Variants in NARS2 observed in about 807,000 individuals in gnomAD.
NARS2 encodes the protein asparaginyl-tRNA synthetase.
Under a neutral mutation model 62.9 loss-of-function variants are expected in NARS2, and 60 were observed. The ratio of observed to expected loss-of-function variants is 0.95; its 90% CI spans 0.77 to 1.18. The LOEUF (loss-of-function observed/expected upper bound fraction) is 1.18, where lower values mean the gene tolerates loss of function less well. NARS2 is among the 50% of genes most tolerant of loss of function. The pLI is 0.00. For synonymous variants in NARS2, 196 were observed against 200.0 expected (o/e 0.98, Z 0.17); for missense variants, 619 against 576.4 (o/e 1.07, Z -0.76).
At chr11:78,442,760 C>A (rs1278787834) in intron 12 of NARS2, among the ~76,000 whole-genome samples, 1 of 151,996 alleles carries the variant, frequency 6.6e-6, no homozygotes, top group Non-Finnish European at 1.5e-5. Flanking sequence ...TGATTCCTTA[C>A]TTCCCATCTC....
At chr11:78,525,888 A>C (rs528217555) in intron 6 of NARS2, among the ~76,000 whole-genome samples, 1 of 152,270 alleles carries the variant, frequency 6.6e-6, no homozygotes, top group South Asian at 2.1e-4. Context: ...GTATTCTTTC[A>C]AAATACCCAA....
chr11:78,512,304 C>A (rs1459236254), intron 6 of NARS2, among the ~76,000 whole-genome samples: 1 of 152,198 alleles, frequency 6.6e-6, no homozygotes, highest in African/African-American at 2.4e-5. Flanking sequence ...CCAGTTCTGT[C>A]AGTAATATAA....
chr11:78,490,947 C>A (rs1859793068), intron 7 of NARS2, among the ~76,000 whole-genome samples: 1 of 152,130 alleles, frequency 6.6e-6, no homozygotes, highest in South Asian at 2.1e-4. Flanking sequence ...TGTAGCTTAA[C>A]CTATCTATTC....
intron 7 of NARS2, among the ~76,000 whole-genome samples, chr11:78,485,650 C>A (rs539816238): frequency 6.6e-6 from 1 of 152,246 alleles, no homozygotes; most frequent in East Asian, 1.9e-4. Context: ...CTGGTAAAGT[C>A]CCTGTAGGAT....
chr11:78,574,580 T>A lies in NARS2; in HGVS notation c.-92A>T. 7.1e-7 allele frequency: 1 copy of A among 1,412,266 alleles called. No individual in the cohort carries two copies. Among genetic ancestry groups the A allele is most frequent in the Non-Finnish European group, 9.4e-7 (1 of 1,065,336 alleles). 87.5% of individuals were successfully genotyped at this position (1,412,266 alleles called of 1,614,324 possible). A position where few individuals can be genotyped will look rare whatever the true frequency, so the allele number is the denominator to read the frequency against. On this transcript the variant is annotated 5_prime_UTR_variant, in exon 1 of 14. Transcript: ENST00000281038. ...GCCCTCCTTTCTCAGCTGCTCCCCT[T>A]CCGCGGCCGCAGCTCTGCTCTAAGG... is the stretch of plus-strand genomic sequence containing the variant.
At chr11:78,450,177 C>G (rs1309899970) in intron 11 of NARS2, among the ~76,000 whole-genome samples, 1 of 152,154 alleles carries the variant, frequency 6.6e-6, no homozygotes, top group Non-Finnish European at 1.5e-5. Context: ...TTGCTTTTTC[C>G]TCATCTACGT....
intron 5 of NARS2, among the ~76,000 whole-genome samples, chr11:78,554,291 G>A (rs918335634): frequency 1.3e-5 from 2 of 152,126 alleles, no homozygotes; most frequent in African/African-American, 4.8e-5. Context: ...TTCTAGTTCT[G>A]TGAGGAATGT....
intron 1 of NARS2, among the ~76,000 whole-genome samples, chr11:78,572,552 T>G (rs1856967664): frequency 6.6e-6 from 1 of 152,246 alleles, no homozygotes; most frequent in South Asian, 2.1e-4. Flanking sequence ...TTTCAGGACT[T>G]GGCTGAAATA....
chr11:78,528,824 G>A lies in NARS2; in HGVS notation c.689+18C>T. On this transcript the variant is annotated intron_variant, in intron 6 of 13. Coordinates refer to ENST00000281038, the MANE Select transcript of NARS2 (RefSeq NM_024678.6). The stretch of plus-strand genomic sequence containing the variant: ...AACCATAATATATCAAAGCAAAAGA[G>A]AAAGGAAAATTTCATACCCTGACAT... The A allele has an allele frequency of 1.3e-6, 2 of 1,551,828 alleles. No homozygotes were observed. Among genetic ancestry groups the A allele is most frequent in the South Asian group, 2.2e-5 (2 of 89,664 alleles).
Position 78,547,971 on chromosome 11 carries a change from G to A in NARS2, c.594+11568C>T, listed in dbSNP as rs569588975. 4.7e-4 allele frequency among the ~76,000 whole-genome samples: 72 copies of A among 152,256 alleles called. 1 individual carries two copies. In the South Asian group the frequency reaches 0.014, roughly 30 times the overall value. The stretch of plus-strand genomic sequence containing the variant: ...ACGGTGGTTCACGCCTGTAATTCCA[G>A]CATTTTGGCAGGCTGAGATTGGAGG... On this transcript the variant is annotated intron_variant, in intron 5 of 13. Coordinates refer to ENST00000281038, the MANE Select transcript of NARS2 (RefSeq NM_024678.6).
chr11:78,533,788 T>C (rs935001904), intron 5 of NARS2, among the ~76,000 whole-genome samples: 8 of 152,212 alleles, frequency 5.3e-5, no homozygotes, highest in Admixed American at 5.2e-4. Context: ...CCTAAAAATA[T>C]GTGCTCCACC....
At chr11:78,553,616 T>C (rs1217104574) in intron 5 of NARS2, among the ~76,000 whole-genome samples, 1 of 152,184 alleles carries the variant, frequency 6.6e-6, no homozygotes, top group Non-Finnish European at 1.5e-5. Flanking sequence ...TGGGGTTGTT[T>C]TTCTCTTCTA....
At position 78,459,955 on chromosome 11, in the gene NARS2, G is replaced by C. The variant is rs116839029; in HGVS notation, c.1164+5921C>G. Among the ~76,000 whole-genome samples the C allele has an allele frequency of 7.6e-3, 1,155 of 152,314 alleles. 11 individuals carry two copies. Among genetic ancestry groups the C allele is most frequent in the African/African-American group, 0.027 (1,106 of 41,566 alleles). On this transcript the variant is annotated intron_variant, in intron 11 of 13. Transcript: ENST00000281038. ...TGACTCAGACTAGAGGGTCAAGAAA[G>C]GTTTCTCTGAGGAAATGGTGATTGA...
At position 78,436,919 on chromosome 11, in the gene NARS2, T is replaced by C. The variant is rs1591111687; in HGVS notation, c.1290-105A>G. 4 of 1,147,376 alleles carry C rather than the reference T, an allele frequency of 3.5e-6. No homozygotes were observed. In the East Asian group the frequency reaches 7.2e-5, roughly 21 times the overall value. 71.1% of individuals were successfully genotyped at this position (1,147,376 alleles called of 1,614,324 possible). On this transcript the variant is annotated intron_variant, in intron 13 of 13. Transcript: ENST00000281038. Reference sequence around the variant, plus strand: ...GTATTTTGCAATCATTTGTTATTGTTTACCTCACTGTGATAGACCAGTCTT... The same window carrying C: ...GTATTTTGCAATCATTTGTTATTGTCTACCTCACTGTGATAGACCAGTCTT...
At chr11:78,507,483 A>G (rs1022243292) in intron 6 of NARS2, among the ~76,000 whole-genome samples, 1 of 151,704 alleles carries the variant, frequency 6.6e-6, no homozygotes, top group Admixed American at 6.6e-5. Flanking sequence ...CAGTTCTCAC[A>G]TGATTAGATA....
chr11:78,495,570 G>A (rs575803431), intron 6 of NARS2, among the ~76,000 whole-genome samples: 66 of 152,204 alleles, frequency 4.3e-4, no homozygotes, highest in Non-Finnish European at 7.4e-4. Context: ...CGCATCTCTA[G>A]TGCCTAAGAT....
chr11:78,545,297 A>C (rs1050175311), intron 5 of NARS2, among the ~76,000 whole-genome samples: 2 of 152,064 alleles, frequency 1.3e-5, no homozygotes, highest in African/African-American at 4.8e-5. Flanking sequence ...GATGAACATC[A>C]CTCACATATA....
chr11:78,511,286 C>G (rs1279137736), intron 6 of NARS2, among the ~76,000 whole-genome samples: 1 of 152,094 alleles, frequency 6.6e-6, no homozygotes, highest in Non-Finnish European at 1.5e-5. Context: ...ACTATGTTGC[C>G]CAGGCTAGTC....
At chr11:78,469,051 CTTAA>C (rs963073452) in intron 10 of NARS2, among the ~76,000 whole-genome samples, 192 bp downstream of exon 10, 26 of 151,946 alleles carry the variant, frequency 1.7e-4, no homozygotes, top group Non-Finnish European at 2.6e-4. Flanking sequence ...TATTTTTATT[CTTAA>C]TTAATTCCGT....
Sources: allele counts gnomAD v4.1 joint callset (sites outside exome capture counted in the v4.1 genomes callset), GRCh38; gene constraint gnomAD v4.1.1; transcripts MANE v1.5; gene names NCBI Gene and HGNC (gene_info 2026-07-23, HGNC 2026-07-21).